Variants in MACROD2 observed in about 807,000 individuals in gnomAD.
MACROD2 encodes ADP-ribose glycohydrolase MACROD2.
A neutral mutation model predicts 70.4 loss-of-function variants in MACROD2; 36 were observed. The ratio of observed to expected loss-of-function variants is 0.51; its 90% CI spans 0.39 to 0.68. The LOEUF (loss-of-function observed/expected upper bound fraction) is 0.68, where lower values mean the gene tolerates loss of function less well. Among genes scored for constraint, MACROD2 ranks in the 30% least tolerant of loss-of-function variants. The probability of loss-of-function intolerance (pLI) is 0.00; values close to 1 mark genes in which losing one functional copy is unlikely to be tolerated. For synonymous variants in MACROD2, 172 were observed against 178.8 expected (o/e 0.96, Z 0.30); for missense variants, 496 against 538.4 (o/e 0.92, Z 0.78).
In MACROD2 at chr20:14,766,896, G is replaced by T. The variant is rs558263818; in HGVS notation, c.418+81937G>T. Among the ~76,000 whole-genome samples, 7 of 152,164 alleles carry T rather than the reference G, an allele frequency of 4.6e-5. No individual in the cohort carries two copies. In the South Asian group the frequency reaches 1.5e-3, roughly 32 times the overall value. On this transcript the variant is annotated intron_variant, in intron 5 of 17. Coordinates refer to ENST00000684519, the MANE Select transcript of MACROD2 (RefSeq NM_001351661.2). ...TCCAAGTATTGGCTTAAACAATTCT[G>T]ATTATATCAGTTTAACTGGACTATA... is the stretch of plus-strand genomic sequence containing the variant.
intron 5 of MACROD2, among the ~76,000 whole-genome samples, chr20:15,035,882 C>CT (rs1015037029): frequency 7.9e-5 from 12 of 151,406 alleles, no homozygotes; most frequent in South Asian, 6.3e-4. Flanking sequence ...CCTGCTCCCC[C>CT]TTTTTTTTTC....
chr20:15,709,013 A>G (rs1783312088), intron 8 of MACROD2, among the ~76,000 whole-genome samples: 1 of 152,094 alleles, frequency 6.6e-6, no homozygotes, highest in South Asian at 2.1e-4. Context: ...GTGACACCCT[A>G]TCTCTAAAAA....
In MACROD2 at chr20:15,187,056, A is replaced by G. The variant is rs531616291; in HGVS notation, c.419-42884A>G. Among the ~76,000 whole-genome samples, 4 of 152,336 alleles carry G rather than the reference A, an allele frequency of 2.6e-5. No individual in the cohort carries two copies. In the East Asian group the frequency reaches 7.7e-4, roughly 29 times the overall value. On this transcript the variant is annotated intron_variant, in intron 5 of 17. Coordinates refer to ENST00000684519, the MANE Select transcript of MACROD2 (RefSeq NM_001351661.2). ...AAACACTACTATGTGAACAGTCCAT[A>G]GCACCACCAAACTGCCAAAGAGCCA...
rs76941179 is a variant in MACROD2 at position 14,189,623 on chromosome 20, C to T, written c.271+103895C>T. Among the ~76,000 whole-genome samples, 821 of 152,180 alleles carry T rather than the reference C, an allele frequency of 5.4e-3. 7 individuals are homozygous for T. Among genetic ancestry groups the T allele is most frequent in the Middle Eastern group, 0.037 (11 of 294 alleles). On this transcript the variant is annotated intron_variant, in intron 3 of 17. Coordinates refer to ENST00000684519, the MANE Select transcript of MACROD2 (RefSeq NM_001351661.2). Reference sequence around the variant, plus strand: ...CATAATTTCAAGGGATAGCGTGAGGCTGGCTGAGGTCAGACCCATGATGGA... The same window carrying T: ...CATAATTTCAAGGGATAGCGTGAGGTTGGCTGAGGTCAGACCCATGATGGA...
intron 4 of MACROD2, among the ~76,000 whole-genome samples, chr20:14,604,773 C>A (rs1721840320): frequency 6.6e-6 from 1 of 152,162 alleles, no homozygotes; most frequent in African/African-American, 2.4e-5. Context: ...TCAGGGAACT[C>A]AGCAAATGGC....
At chr20:14,629,105 C>T (rs1020763583) in intron 4 of MACROD2, among the ~76,000 whole-genome samples, 2 of 152,106 alleles carry the variant, frequency 1.3e-5, no homozygotes, top group Non-Finnish European at 2.9e-5. Flanking sequence ...TTCCCTAAAA[C>T]AGGTGCTCCC....
chr20:15,273,205 C>T (rs1006011171), intron 6 of MACROD2, among the ~76,000 whole-genome samples: 7 of 152,134 alleles, frequency 4.6e-5, no homozygotes, highest in South Asian at 2.1e-4. Flanking sequence ...CAGCTGCCAA[C>T]GAATATAAAA....
intron 3 of MACROD2, among the ~76,000 whole-genome samples, chr20:14,186,412 C>T (rs959510623): frequency 6.6e-6 from 1 of 152,154 alleles, no homozygotes; most frequent in African/African-American, 2.4e-5. Flanking sequence ...GATATACCAT[C>T]TCACACCAGT....
chr20:14,987,294 C>G (rs2074858209), intron 5 of MACROD2, among the ~76,000 whole-genome samples: 1 of 152,080 alleles, frequency 6.6e-6, no homozygotes, highest in Non-Finnish European at 1.5e-5. Context: ...GTAAAATCTA[C>G]CTTATGGGGC....
chr20:15,103,544 A>T (rs1961373389), intron 5 of MACROD2, among the ~76,000 whole-genome samples: 1 of 152,108 alleles, frequency 6.6e-6, no homozygotes, highest in Non-Finnish European at 1.5e-5. Flanking sequence ...AGAAGAAGAA[A>T]ATTCTGTTGG....
chr20:14,213,904 A>T (rs1317860028), intron 3 of MACROD2, among the ~76,000 whole-genome samples: 1 of 152,122 alleles, frequency 6.6e-6, no homozygotes, highest in Non-Finnish European at 1.5e-5. Flanking sequence ...AAAAGGAGTC[A>T]TTAATAAAAG....
chr20:14,332,200 G>A (rs974251674), intron 3 of MACROD2, among the ~76,000 whole-genome samples: 1 of 152,016 alleles, frequency 6.6e-6, no homozygotes, highest in Admixed American at 6.6e-5. Context: ...AATAAAAATT[G>A]TGGGGTTTTT....
chr20:15,297,757 G>A (rs1352826583), intron 6 of MACROD2, among the ~76,000 whole-genome samples: 2 of 152,124 alleles, frequency 1.3e-5, no homozygotes, highest in East Asian at 1.9e-4. Context: ...CTTTGACTTC[G>A]TCAGAAGAGA....
At chr20:14,910,870 G>A (rs1055335092) in intron 5 of MACROD2, among the ~76,000 whole-genome samples, 8 of 152,086 alleles carry the variant, frequency 5.3e-5, no homozygotes, top group African/African-American at 1.2e-4. Flanking sequence ...TCCCTAGAGC[G>A]AAGTCTTCTC....
intron 6 of MACROD2, among the ~76,000 whole-genome samples, chr20:15,386,798 A>G (rs1453798390): frequency 6.6e-6 from 1 of 152,212 alleles, no homozygotes; most frequent in African/African-American, 2.4e-5. Flanking sequence ...TCATTAGAAA[A>G]TCAATTACTA....
intron 7 of MACROD2, among the ~76,000 whole-genome samples, chr20:15,448,775 T>A (rs1301987955): frequency 6.6e-6 from 1 of 152,140 alleles, no homozygotes; most frequent in East Asian, 1.9e-4. Flanking sequence ...AAGTTAGAGT[T>A]CTTATATTTA....
chr20:15,238,093 T>C (rs1040734210), intron 6 of MACROD2, among the ~76,000 whole-genome samples: 3 of 152,176 alleles, frequency 2.0e-5, no homozygotes, highest in African/African-American at 7.2e-5. Flanking sequence ...ATAAAAGGGT[T>C]TGCTGAGCCT....
intron 8 of MACROD2, among the ~76,000 whole-genome samples, chr20:15,701,108 A>G (rs956585213): frequency 6.6e-6 from 1 of 152,220 alleles, no homozygotes; most frequent in African/African-American, 2.4e-5. Flanking sequence ...CCCCTGAGCC[A>G]AATCTGGCCC....
rs146802678 is a variant in MACROD2 at position 14,444,430 on chromosome 20, C to A, written c.272-49049C>A. 6.8e-4 allele frequency among the ~76,000 whole-genome samples: 104 copies of A among 152,156 alleles called. 1 individual carries two copies. The highest frequency in any genetic ancestry group is 2.3e-3 in the African/African-American group (95 of 41,458). On this transcript the variant is annotated intron_variant, in intron 3 of 17. Coordinates refer to ENST00000684519, the MANE Select transcript of MACROD2 (RefSeq NM_001351661.2). ...ACCACATTTGCCTGGCTTTCCTTCT[C>A]CCTTTCCGTCTGTTCCTTATCAGTT...
Sources: allele counts gnomAD v4.1 joint callset (sites outside exome capture counted in the v4.1 genomes callset), GRCh38; gene constraint gnomAD v4.1.1; transcripts MANE v1.5; gene names NCBI Gene and HGNC (gene_info 2026-07-23, HGNC 2026-07-21).